Variants in TNIK observed in about 807,000 individuals in gnomAD.
TNIK encodes the protein TRAF2 and NCK interacting kinase, also known as TRAF2 and NCK-interacting protein kinase.
A neutral mutation model predicts 191.3 loss-of-function variants in TNIK; 49 were observed. The observed-to-expected ratio is 0.26, with a 90% confidence interval of 0.20 to 0.32. The LOEUF (loss-of-function observed/expected upper bound fraction) is 0.32. Ranked by LOEUF, TNIK falls within the 10% of genes least tolerant of loss-of-function variation. The probability of loss-of-function intolerance (pLI) is 1.00; values close to 1 mark genes in which losing one functional copy is unlikely to be tolerated. For missense variants in TNIK, 1,155 were observed against 1,702.3 expected, an observed-to-expected ratio of 0.68 and a Z score of 5.66; for synonymous variants, 594 against 600.9, an observed-to-expected ratio of 0.99 and a Z score of 0.17.
chr3:171,335,343 TAC>T (rs1756855513), intron 2 of TNIK, among the ~76,000 whole-genome samples: 2 of 152,344 alleles, frequency 1.3e-5, no homozygotes, highest in Non-Finnish European at 2.9e-5. Flanking sequence ...ATCTTAAATG[TAC>T]AGTTTGATGA....
intron 28 of TNIK, among the ~76,000 whole-genome samples, chr3:171,071,992 C>G (rs1560070556): frequency 6.6e-6 from 1 of 152,100 alleles, no homozygotes; most frequent in Non-Finnish European, 1.5e-5. Flanking sequence ...CAAAGTAGTA[C>G]TCAATAAATG....
intron 3 of TNIK, among the ~76,000 whole-genome samples, chr3:171,217,502 C>G (rs1043514774): frequency 6.6e-6 from 1 of 151,900 alleles, no homozygotes; most frequent in Non-Finnish European, 1.5e-5. Flanking sequence ...CACAACATAC[C>G]CAAGCATCAA....
intron 2 of TNIK, among the ~76,000 whole-genome samples, chr3:171,284,632 C>A (rs929873815): frequency 6.6e-6 from 1 of 151,974 alleles, no homozygotes; most frequent in African/African-American, 2.4e-5. Flanking sequence ...AAAATAAAAT[C>A]AAATGAGCAA....
chr3:171,232,984 T>C (rs1038589084), intron 2 of TNIK, among the ~76,000 whole-genome samples: 3 of 152,258 alleles, frequency 2.0e-5, no homozygotes, highest in Admixed American at 6.5e-5. Context: ...AGAGGGTTTT[T>C]GAGCTGCTAG....
intron 4 of TNIK, among the ~76,000 whole-genome samples, chr3:171,205,759 G>C (rs1739986616): frequency 6.6e-6 from 1 of 152,154 alleles, no homozygotes; most frequent in South Asian, 2.1e-4. Flanking sequence ...ACCTAATGCA[G>C]AGTAAAAGCC....
chr3:171,092,478 T>C (rs1347440195), intron 23 of TNIK, among the ~76,000 whole-genome samples: 3 of 152,210 alleles, frequency 2.0e-5, no homozygotes, highest in South Asian at 2.1e-4. Flanking sequence ...TTCTCCCTCA[T>C]GTTTTCCTAA....
At chr3:171,300,538 G>A (rs1393615632) in intron 2 of TNIK, among the ~76,000 whole-genome samples, 2 of 151,886 alleles carry the variant, frequency 1.3e-5, no homozygotes, top group Non-Finnish European at 2.9e-5. Context: ...AGAATTGTGA[G>A]TGAAAAAAAA....
chr3:171,292,795 A>AAAG (rs1751834366), intron 2 of TNIK, among the ~76,000 whole-genome samples: 1 of 149,588 alleles, frequency 6.7e-6, no homozygotes, highest in Non-Finnish European at 1.5e-5. Flanking sequence ...AAAAAAAAAA[A>AAAG]GAATCAGCCA....
At chr3:171,179,067 C>T (rs565320382) in intron 7 of TNIK, among the ~76,000 whole-genome samples, 1 of 152,200 alleles carries the variant, frequency 6.6e-6, no homozygotes, top group African/African-American at 2.4e-5. Flanking sequence ...GTGGCTGGGG[C>T]ACATGTGTAA....
At chr3:171,371,990 C>T (rs901561639) in intron 1 of TNIK, among the ~76,000 whole-genome samples, 1 of 151,916 alleles carries the variant, frequency 6.6e-6, no homozygotes, top group Admixed American at 6.6e-5. Flanking sequence ...GTGGCTGCCT[C>T]AAGGAACCTG....
intron 4 of TNIK, among the ~76,000 whole-genome samples, chr3:171,208,189 C>T (rs1490598503): frequency 2.0e-5 from 3 of 152,070 alleles, no homozygotes; most frequent in Non-Finnish European, 4.4e-5. Flanking sequence ...GGCATAGTGG[C>T]GTGCTCTTGC....
intron 2 of TNIK, among the ~76,000 whole-genome samples, chr3:171,265,118 A>G (rs576918468): frequency 1.3e-5 from 2 of 152,336 alleles, no homozygotes; most frequent in African/African-American, 4.8e-5. Flanking sequence ...GCAATTTGAG[A>G]ATGTGAAAGT....
intron 25 of TNIK, among the ~76,000 whole-genome samples, 190 bp downstream of exon 25, chr3:171,084,928 A>G (rs997616808): frequency 3.3e-5 from 5 of 152,128 alleles, no homozygotes; most frequent in East Asian, 1.9e-4. Flanking sequence ...AAGAGATGGG[A>G]AAAAAAATGG....
intron 2 of TNIK, among the ~76,000 whole-genome samples, chr3:171,300,300 T>TG (rs1752742843): frequency 6.6e-6 from 1 of 152,218 alleles, no homozygotes; most frequent in African/African-American, 2.4e-5. Context: ...AGCACGGTCA[T>TG]GCCCTATGGG....
chr3:171,125,170 G>A (rs1728303707), intron 17 of TNIK, among the ~76,000 whole-genome samples: 1 of 152,136 alleles, frequency 6.6e-6, no homozygotes, highest in Non-Finnish European at 1.5e-5. Context: ...CAGGAAAAGG[G>A]GGATTCCTGA....
At chr3:171,081,334 G>A (rs537427870) in intron 27 of TNIK, among the ~76,000 whole-genome samples, 1 of 152,068 alleles carries the variant, frequency 6.6e-6, no homozygotes, top group East Asian at 1.9e-4. Flanking sequence ...TTTGAGGAAA[G>A]TTCAAACCAG....
At chr3:171,118,094 T>C (rs1727045322) in intron 18 of TNIK, among the ~76,000 whole-genome samples, 1 of 152,134 alleles carries the variant, frequency 6.6e-6, no homozygotes, top group Non-Finnish European at 1.5e-5. Flanking sequence ...TTCAGCAAAG[T>C]CTCAGGATAC....
chr3:171,093,932 A>T lies in TNIK; in HGVS notation c.2628T>A (p.Asn876Lys). ...GCCCATGCGTCCCCACCATTCCCACATTGTACTGCTCGTTGCTGCCTGGAG... is the reference window on the plus strand; with the variant it reads ...GCCCATGCGTCCCCACCATTCCCACTTTGTACTGCTCGTTGCTGCCTGGAG... Reference protein sequence around the residue: ...TGAPGSNEQYNVGMVGTHGLE... With the variant: ...TGAPGSNEQYKVGMVGTHGLE... The change falls in exon 23 of 33, where the codon AAT becomes AAA. Residue 876 changes from asparagine (N) to lysine (K), a missense_variant. Around this residue, in one of 3 missense-constraint regions of TNIK, gnomAD observed 735 missense variants for 848.0 expected, o/e 0.87. Transcript: ENST00000436636. The T allele has an allele frequency of 6.2e-7, 1 of 1,613,786 alleles. No individual in the cohort carries two copies. The highest frequency in any genetic ancestry group is 8.5e-7 in the Non-Finnish European group (1 of 1,179,798).
At chr3:171,183,645 G>A (rs904068709) in intron 7 of TNIK, among the ~76,000 whole-genome samples, 12 of 152,056 alleles carry the variant, frequency 7.9e-5, no homozygotes, top group African/African-American at 2.7e-4. Flanking sequence ...GGCCCCCACC[G>A]GGTCCAGTGG....
Sources: allele counts gnomAD v4.1 joint callset (sites outside exome capture counted in the v4.1 genomes callset), GRCh38; gene constraint gnomAD v4.1.1; regional missense constraint gnomAD v4.1.1; transcripts MANE v1.5; gene names NCBI Gene and HGNC (gene_info 2026-07-23, HGNC 2026-07-21).